TMC5: variants seen among roughly 807,000 people sequenced by gnomAD.
TMC5 encodes transmembrane channel-like protein 5.
In TMC5, 86 loss-of-function variants were observed where a neutral mutation model predicts 110.5. That is an observed-to-expected ratio of 0.78 (90% CI 0.65 to 0.93). TMC5 has a LOEUF of 0.93. TMC5 is among the 40% of genes least tolerant of loss of function. TMC5 has a pLI of 0.00. For missense variants in TMC5, 1,144 were observed against 1,222.8 expected (o/e 0.94, Z 0.96); for synonymous variants, 455 against 439.5 (o/e 1.04, Z -0.44).
At chr16:19,497,769 T>C (rs1471865662) in intron 21 of TMC5, 151 bp from the exon 22 acceptor site, 5 of 666,664 alleles carry the variant, frequency 7.5e-6, no homozygotes, top group Non-Finnish European at 1.3e-5. Context: ...CTTCCAGTGA[T>C]GGGAGTTCAA....
chr16:19,464,695 T>A (rs1255925579), intron 8 of TMC5, among the ~76,000 whole-genome samples: 2 of 152,206 alleles, frequency 1.3e-5, no homozygotes, highest in Admixed American at 1.3e-4. Flanking sequence ...TGTTTATAGA[T>A]CTATGTTTTC....
At position 19,472,084 on chromosome 16, in the gene TMC5, C is replaced by CTAGG; in HGVS notation, c.1783-3_1783dup. ...CCATAAACTTGACTTTCTTATGTTT[C>CTAGG]TAGGAGAACCTGTCAGAGCTCCGTC... On this transcript the variant is annotated splice_polypyrimidine_tract_variant and splice_region_variant and intron_variant, in intron 10 of 21. Transcript: ENST00000542583. 1 of 1,612,540 alleles carries CTAGG rather than the reference C, an allele frequency of 6.2e-7. No individual in the cohort carries two copies. Among genetic ancestry groups the CTAGG allele is most frequent in the Non-Finnish European group, 8.5e-7 (1 of 1,179,026 alleles).
chr16:19,492,087 G>A (rs1968921831), intron 18 of TMC5, 63 bp from the exon 19 acceptor site: 2 of 1,322,690 alleles, frequency 1.5e-6, no homozygotes, highest in Non-Finnish European at 2.2e-6. Flanking sequence ...TTTGCATCCA[G>A]TGGAAATTCA....
At chr16:19,426,254 C>G (rs1967086576) in intron 1 of TMC5, among the ~76,000 whole-genome samples, 1 of 152,174 alleles carries the variant, frequency 6.6e-6, no homozygotes, top group Non-Finnish European at 1.5e-5. Flanking sequence ...GAAGGAGGTT[C>G]TTTTTCCTCT....
At chr16:19,439,597 A>G (rs1335035300) in intron 2 of TMC5, among the ~76,000 whole-genome samples, 1 of 152,226 alleles carries the variant, frequency 6.6e-6, no homozygotes, top group Non-Finnish European at 1.5e-5. Context: ...GCAACCCAGC[A>G]TCCTTTCCTC....
chr16:19,431,583 C>T (rs184822772), intron 2 of TMC5, among the ~76,000 whole-genome samples: 11 of 151,524 alleles, frequency 7.3e-5, no homozygotes, highest in South Asian at 4.2e-4. Context: ...ACAAAATGTA[C>T]GGCTGAAATT....
At chr16:19,442,732 C>G (rs1459347562) in intron 3 of TMC5, among the ~76,000 whole-genome samples, 2 of 152,158 alleles carry the variant, frequency 1.3e-5, no homozygotes, top group Non-Finnish European at 2.9e-5. Flanking sequence ...ACTGTTTCTA[C>G]TAGTAATATT....
At chr16:19,471,836 C>A (rs1968349488) in intron 10 of TMC5, among the ~76,000 whole-genome samples, 1 of 152,234 alleles carries the variant, frequency 6.6e-6, no homozygotes, top group Non-Finnish European at 1.5e-5. Context: ...TCTCTCCTCA[C>A]TACAACCTCC....
chr16:19,439,996 G>T lies in TMC5; in HGVS notation c.-43G>T. ...AAAAGATCCCTGAGTAATTGCAAATGCTGGGACAGTTTACCACTCCAGGGT... is the reference window on the plus strand; with the variant it reads ...AAAAGATCCCTGAGTAATTGCAAATTCTGGGACAGTTTACCACTCCAGGGT... On this transcript the variant is annotated 5_prime_UTR_variant, in exon 3 of 22. It removes an upstream start codon present in the reference 5' UTR. Transcript: ENST00000542583. The T allele has an allele frequency of 1.3e-6, 2 of 1,487,252 alleles. No individual in the cohort carries two copies. The highest frequency in any genetic ancestry group is 9.1e-7 in the Non-Finnish European group (1 of 1,093,750). 92.1% of individuals were successfully genotyped at this position (1,487,252 alleles called of 1,614,324 possible). A position where few individuals can be genotyped will look rare whatever the true frequency, so the allele number is the denominator to read the frequency against.
At chr16:19,460,820 C>A (rs2143569106) in intron 6 of TMC5, among the ~76,000 whole-genome samples, 1 of 152,236 alleles carries the variant, frequency 6.6e-6, no homozygotes, top group Non-Finnish European at 1.5e-5. Context: ...TCATCAAAAA[C>A]AAGGAAAGTC....
chr16:19,462,726 C>A (rs968900998), intron 6 of TMC5, among the ~76,000 whole-genome samples: 1 of 151,942 alleles, frequency 6.6e-6, no homozygotes. Context: ...ATGGTGGAAA[C>A]CCCATCTCTA....
chr16:19,493,122 C>T (rs950536076), intron 19 of TMC5, among the ~76,000 whole-genome samples: 1 of 150,904 alleles, frequency 6.6e-6, no homozygotes, highest in Non-Finnish European at 1.5e-5. Flanking sequence ...CCACCACACC[C>T]GGCTAATTTT....
chr16:19,463,003 G>A (rs1009189031), intron 6 of TMC5, among the ~76,000 whole-genome samples: 3 of 151,812 alleles, frequency 2.0e-5, no homozygotes, highest in African/African-American at 7.3e-5. Flanking sequence ...TCAAACTTTT[G>A]GGCCCAAGTA....
intron 2 of TMC5, among the ~76,000 whole-genome samples, chr16:19,435,629 A>T (rs537272559): frequency 6.6e-6 from 1 of 152,304 alleles, no homozygotes; most frequent in East Asian, 1.9e-4. Flanking sequence ...CCACCGCTCA[A>T]GATCATCAGC....
chr16:19,470,959 C>T (rs1415179139), intron 10 of TMC5, among the ~76,000 whole-genome samples: 2 of 152,050 alleles, frequency 1.3e-5, no homozygotes, highest in African/African-American at 4.8e-5. Context: ...TCGCTTGAAC[C>T]CAGGAGGCAG....
chr16:19,439,991 C>A lies in TMC5; in HGVS notation c.-48C>A, dbSNP rs1967442980. 5 of 1,443,462 alleles carry A rather than the reference C, an allele frequency of 3.5e-6. No homozygotes were observed. The South Asian group carries it at 4.1e-5, about 12-fold the overall frequency. 89.4% of individuals were successfully genotyped at this position (1,443,462 alleles called of 1,614,324 possible). Reference sequence around the variant, plus strand: ...AAAAAAAAAGATCCCTGAGTAATTGCAAATGCTGGGACAGTTTACCACTCC... The same window carrying A: ...AAAAAAAAAGATCCCTGAGTAATTGAAAATGCTGGGACAGTTTACCACTCC... On this transcript the variant is annotated 5_prime_UTR_variant, in exon 3 of 22. Coordinates refer to ENST00000542583, the MANE Select transcript of TMC5 (RefSeq NM_001261841.2).
chr16:19,487,627 G>C (rs188846423), intron 17 of TMC5, among the ~76,000 whole-genome samples: 1 of 151,832 alleles, frequency 6.6e-6, no homozygotes, highest in Non-Finnish European at 1.5e-5. Flanking sequence ...ACTTGAACCC[G>C]GGAGGTGGAG....
chr16:19,457,111 C>A, intron 5 of TMC5: 1 of 1,080,142 alleles, frequency 9.3e-7, no homozygotes, highest in Non-Finnish European at 1.3e-6. Flanking sequence ...CAAGTGGGGC[C>A]AGGCGTGGTG....
chr16:19,495,879 T>A (rs1290177745), intron 20 of TMC5, among the ~76,000 whole-genome samples: 2 of 151,776 alleles, frequency 1.3e-5, no homozygotes, highest in Non-Finnish European at 2.9e-5. Context: ...CCTCCTGTGA[T>A]CCCCAGCACT....
Sources: gnomAD v4.1 joint callset for allele counts (sites outside exome capture counted in the v4.1 genomes callset) on GRCh38, gnomAD v4.1.1 for gene constraint, MANE v1.5 for transcripts, NCBI Gene and HGNC (gene_info 2026-07-23, HGNC 2026-07-21) for gene names.